The following RFX7 variants were observed in gnomAD, a reference collection of about 807,000 sequenced individuals.
RFX7 encodes regulatory factor X7, also known as DNA-binding protein RFX7.
RFX7 carries 26 observed loss-of-function variants against 111.8 expected under a neutral mutation model. The ratio of observed to expected loss-of-function variants is 0.23; its 90% CI spans 0.17 to 0.32. The LOEUF is 0.32. Among genes scored for constraint, RFX7 ranks in the 10% least tolerant of loss-of-function variants. RFX7 has a pLI of 1.00. For missense variants in RFX7, 1,573 were observed against 1,772.9 expected (o/e 0.89, Z 2.02); for synonymous variants, 624 against 624.4 (o/e 1.00, Z 0.01).
intron 5 of RFX7, 32 bp from the exon 6 acceptor site, chr15:56,103,702 A>T: frequency 7.5e-7 from 1 of 1,330,232 alleles, no homozygotes; most frequent in Non-Finnish European, 1.1e-6. Context: ...ATTTAGAGTG[A>T]CAGAATTCAG....
intron 5 of RFX7, among the ~76,000 whole-genome samples, chr15:56,141,979 C>T (rs1458200108): frequency 6.6e-6 from 1 of 152,010 alleles, no homozygotes; most frequent in African/African-American, 2.4e-5. Context: ...TCAATAAGTA[C>T]AATTTCCTTC....
In RFX7 at chr15:56,093,517, A is replaced by G; in HGVS notation, c.4211T>C (p.Leu1404Pro). 2 of 1,613,904 alleles carry G rather than the reference A, an allele frequency of 1.2e-6. No homozygotes were observed. The highest frequency in any genetic ancestry group is 1.7e-6 in the Non-Finnish European group (2 of 1,179,834). The change falls in exon 10 of 10, where the codon CTA becomes CCA. Residue 1404 changes from leucine (L) to proline (P), a missense_variant. Leu to Pro is a moderately conservative substitution (Grantham distance 98). Transcript: ENST00000559447. ...CTGCTGACGACCTGGATCAAACAGT[A>G]GATTTGGGTCTAAAGTGTTCAAATC... ...INDLNTLDPN[L>P]LFDPGRQQGQ... is the part of the protein sequence containing the mutation.
chr15:56,214,045 A>G (rs12595323), intron 2 of RFX7, among the ~76,000 whole-genome samples: 19,837 of 152,186 alleles, frequency 0.13, 1,700 homozygotes, highest in East Asian at 0.44. Flanking sequence ...CCTCTGTCTT[A>G]TATCAAGTAT....
At position 56,090,686 on chromosome 15, in the gene RFX7, C is replaced by A. The variant is rs1462323667; in HGVS notation, c.*2659G>T. 1 of 152,522 alleles carries A rather than the reference C, an allele frequency of 6.6e-6. No homozygotes were observed. The highest frequency in any genetic ancestry group is 1.5e-5 in the Non-Finnish European group (1 of 67,988). The allele number at this position is 152,522 out of a possible 1,614,324, so 9.4% of individuals were successfully genotyped here. ...ACAGACAACAAAACACTGGGGAAAT[C>A]TGACTTTTTGCACTAAATGAAACAT... On this transcript the variant is annotated 3_prime_UTR_variant, in exon 10 of 10. Transcript: ENST00000559447.
chr15:56,141,864 C>T (rs2042404008), intron 5 of RFX7, among the ~76,000 whole-genome samples: 1 of 151,534 alleles, frequency 6.6e-6, no homozygotes, highest in Admixed American at 6.6e-5. Flanking sequence ...TTCAGTTTAA[C>T]TTTGTTCTCT....
intron 2 of RFX7, among the ~76,000 whole-genome samples, chr15:56,193,905 CTT>C (rs1337242950): frequency 6.6e-6 from 1 of 152,072 alleles, no homozygotes; most frequent in African/African-American, 2.4e-5. Context: ...ATTAAAAAAA[CTT>C]AGTCTAATCC....
rs575975989 is a variant in RFX7 at position 56,119,041 on chromosome 15, A to AT, written c.402-15372dup. On this transcript the variant is annotated intron_variant, in intron 5 of 9. Transcript: ENST00000559447. ...TGCCCATTTTAAATCAAATTATTAG[A>AT]TTTTTTTTCTATAGAGTTGTTTGAG... Among the ~76,000 whole-genome samples, 846 of 151,948 alleles carry AT rather than the reference A, an allele frequency of 5.6e-3. 4 individuals carry two copies. The highest frequency in any genetic ancestry group is 0.014 in the Middle Eastern group (4 of 294).
rs906564128 is a variant in RFX7 at position 56,091,883 on chromosome 15, T to C, written c.*1462A>G. 1 of 152,474 alleles carries C rather than the reference T, an allele frequency of 6.6e-6. No homozygotes were observed. The highest frequency in any genetic ancestry group is 1.5e-5 in the Non-Finnish European group (1 of 67,970). 9.4% of individuals were successfully genotyped at this position (152,474 alleles called of 1,614,324 possible). On this transcript the variant is annotated 3_prime_UTR_variant, in exon 10 of 10. Coordinates refer to ENST00000559447, the MANE Select transcript of RFX7 (RefSeq NM_022841.7). ...AGCACATTTGCTAAATATTCATTGA[T>C]TGTAGTCTTCTGATTGGCTTACTAA...
At chr15:56,157,858 C>T (rs752407958) in intron 3 of RFX7, among the ~76,000 whole-genome samples, 41 of 152,164 alleles carry the variant, frequency 2.7e-4, no homozygotes, top group African/African-American at 3.9e-4. Flanking sequence ...GGATTACAGG[C>T]GTGAGCCACT....
At chr15:56,175,472 T>A (rs2042894195) in intron 3 of RFX7, among the ~76,000 whole-genome samples, 1 of 152,196 alleles carries the variant, frequency 6.6e-6, no homozygotes, top group Non-Finnish European at 1.5e-5. Context: ...ATGAACCATT[T>A]ATATATCTGA....
At chr15:56,189,428 T>C (rs778323133) in intron 2 of RFX7, among the ~76,000 whole-genome samples, 6 of 151,910 alleles carry the variant, frequency 3.9e-5, no homozygotes, top group Non-Finnish European at 7.4e-5. Context: ...TAAACTTCTA[T>C]TCACTGAAAG....
chr15:56,227,483 A>G (rs1332277239), intron 2 of RFX7, among the ~76,000 whole-genome samples: 1 of 152,186 alleles, frequency 6.6e-6, no homozygotes, highest in Non-Finnish European at 1.5e-5. Context: ...ATGATTCCAT[A>G]TTCTCAAGTC....
chr15:56,117,503 T>C (rs1053445766), intron 5 of RFX7, among the ~76,000 whole-genome samples: 9 of 152,172 alleles, frequency 5.9e-5, no homozygotes, highest in Admixed American at 2.6e-4. Flanking sequence ...GTTGGGAACA[T>C]TCAATATCCT....
chr15:56,224,528 G>A (rs145364479), intron 2 of RFX7, among the ~76,000 whole-genome samples: 17 of 146,696 alleles, frequency 1.2e-4, no homozygotes, highest in African/African-American at 4.0e-4. Flanking sequence ...TTAACTATAC[G>A]GCATTTTTTA....
Position 56,095,485 on chromosome 15 carries a change from G to A in RFX7, c.2243C>T (p.Thr748Ile). The change falls in exon 10 of 10, where the codon ACA (threonine) becomes ATA (isoleucine). Residue 748 changes from threonine (T) to isoleucine (I), a missense_variant. Thr to Ile is a moderately conservative substitution (Grantham distance 89). Coordinates refer to ENST00000559447, the MANE Select transcript of RFX7 (RefSeq NM_022841.7). ...TATATCTGGAGATGATGATGGGGTT[G>A]TTTGCTGTTCCAAAGCTGAATCACT... ...VISDSALEQQ[T>I]TPSSSPDIKV... The A allele has an allele frequency of 6.2e-7, 1 of 1,612,620 alleles. No homozygotes were observed. Among genetic ancestry groups the A allele is most frequent in the South Asian group, 1.1e-5 (1 of 91,082 alleles).
At chr15:56,118,430 T>C (rs1449438984) in intron 5 of RFX7, among the ~76,000 whole-genome samples, 1 of 152,202 alleles carries the variant, frequency 6.6e-6, no homozygotes, top group Non-Finnish European at 1.5e-5. Context: ...CACAAATAAG[T>C]GAGAACATAT....
chr15:56,240,549 C>G (rs1272041384), intron 2 of RFX7, among the ~76,000 whole-genome samples: 2 of 152,074 alleles, frequency 1.3e-5, no homozygotes, highest in African/African-American at 4.8e-5. Context: ...GTCCAAAGGC[C>G]TACATCACAT....
At chr15:56,188,771 T>G (rs1435147201) in intron 2 of RFX7, among the ~76,000 whole-genome samples, 1 of 152,146 alleles carries the variant, frequency 6.6e-6, no homozygotes, top group South Asian at 2.1e-4. Context: ...GAAGAAACCA[T>G]AGGAGAATAT....
chr15:56,140,777 T>G (rs1289194545), intron 5 of RFX7, among the ~76,000 whole-genome samples: 2 of 152,148 alleles, frequency 1.3e-5, no homozygotes, highest in Non-Finnish European at 2.9e-5. Flanking sequence ...AGAAAAAAAA[T>G]CATAAGAATT....
Sources: allele counts gnomAD v4.1 joint callset (sites outside exome capture counted in the v4.1 genomes callset), GRCh38; gene constraint gnomAD v4.1.1; transcripts MANE v1.5; gene names NCBI Gene and HGNC (gene_info 2026-07-23, HGNC 2026-07-21).